GRIN2C: variants seen among roughly 807,000 people sequenced by gnomAD.
GRIN2C encodes the protein glutamate receptor ionotropic, NMDA 2C.
A neutral mutation model predicts 77.7 loss-of-function variants in GRIN2C; 64 were observed. The observed-to-expected ratio is 0.82, with a 90% CI of 0.67 to 1.01. The LOEUF is 1.01. Ranked by LOEUF, GRIN2C falls within the 50% of genes least tolerant of loss-of-function variation. The pLI, the probability that GRIN2C is intolerant of heterozygous loss-of-function variation, is 0.00. For missense variants in GRIN2C, 1,549 were observed against 1,486.0 expected (o/e 1.04, Z -0.70); for synonymous variants, 792 against 643.4 (o/e 1.23, Z -3.49).
rs2037355675 is a variant in GRIN2C at position 74,843,305 on chromosome 17, T to C, written c.2832A>G (p.Pro944=). 1 of 1,343,398 alleles carries C rather than the reference T, an allele frequency of 7.4e-7. No individual in the cohort carries two copies. The highest frequency in any genetic ancestry group is 1.0e-6 in the Non-Finnish European group (1 of 999,666). The allele number at this position is 1,343,398 out of a possible 1,614,324, so 83.2% of individuals were successfully genotyped here. Residue 944 remains proline (P), a synonymous_variant, in exon 13 of 13, where the codon CCA becomes CCG. Coordinates refer to ENST00000293190, the MANE Select transcript of GRIN2C (RefSeq NM_000835.6). The part of the protein sequence containing the change: ...PCPTPRSGPS[P]CLPTPDPPPE... ...GGGGCGGGTCGGGGGTGGGCAGGCATGGGCTGGGGCCAGACCGCGGGGTCG... is the reference window on the plus strand; with the variant it reads ...GGGGCGGGTCGGGGGTGGGCAGGCACGGGCTGGGGCCAGACCGCGGGGTCG...
At position 74,846,198 on chromosome 17, in the gene GRIN2C, C is replaced by A; in HGVS notation, c.2218G>T (p.Asp740Tyr). The A allele has an allele frequency of 6.2e-7, 1 of 1,614,220 alleles. No homozygotes were observed. The highest frequency in any genetic ancestry group is 1.3e-5 in the African/African-American group (1 of 75,066). Reference sequence around the variant, plus strand: ...ATGGTGACCAGCTTGCAGCCCTCGTCCTTGCCTGCCATGTAGTTGAGGACA... The same window carrying A: ...ATGGTGACCAGCTTGCAGCCCTCGTACTTGCCTGCCATGTAGTTGAGGACA... ...AAVLNYMAGK[D>Y]EGCKLVTIGS... Residue 740 changes from aspartate to tyrosine, a missense_variant, in exon 11 of 13, where the codon GAC becomes TAC. By Grantham distance (160) the Asp-to-Tyr change is radical. Transcript: ENST00000293190. The surrounding 1 kb of genome is among the most constrained non-coding windows in gnomAD (Gnocchi z 4.4).
rs71157101 is a variant in GRIN2C at position 74,859,883 on chromosome 17, T to TGCGGCG, written c.-156_-155insCGCCGC. 335 of 165,712 alleles carry TGCGGCG rather than the reference T, an allele frequency of 2.0e-3. 3 individuals are homozygous for TGCGGCG. The highest frequency in any genetic ancestry group is 3.1e-3 in the Non-Finnish European group (245 of 79,318). 10.3% of individuals were successfully genotyped at this position (165,712 alleles called of 1,614,324 possible). A position where few individuals can be genotyped will look rare whatever the true frequency, so the allele number is the denominator to read the frequency against. On this transcript the variant is annotated 5_prime_UTR_variant, in exon 1 of 13. Coordinates refer to ENST00000293190, the MANE Select transcript of GRIN2C (RefSeq NM_000835.6). This position sits in a 1 kb window ranked among gnomAD's most constrained non-coding sequence, Gnocchi z 5.9. ...ACCCGCGGCTCAAGGACACTCGCGA[T>TGCGGCG]GCGGCGGCGGCGGCGGCGGCGGCGG... is the stretch of plus-strand genomic sequence containing the variant.
Position 74,843,065 on chromosome 17 carries a change from G to A in GRIN2C, c.3072C>T (p.Pro1024=), listed in dbSNP as rs561172508. 69 of 459,730 alleles carry A rather than the reference G, an allele frequency of 1.5e-4. No individual in the cohort carries two copies. The highest frequency in any genetic ancestry group is 1.1e-3 in the Middle Eastern group (2 of 1,742). The allele number at this position is 459,730 out of a possible 1,614,324, so 28.5% of individuals were successfully genotyped here. Residue 1024 remains proline (P), a synonymous_variant, in exon 13 of 13, where the codon CCC becomes CCT. Coordinates refer to ENST00000293190, the MANE Select transcript of GRIN2C (RefSeq NM_000835.6). The part of the protein sequence containing the change: ...HLSASERPLS[P]ARCHYSSFPR... Reference sequence around the variant, plus strand: ...GAAAGGAGCTGTAGTGACAGCGCGCGGGCGACAGGGGCCGCTCGGAGGCCG... The same window carrying A: ...GAAAGGAGCTGTAGTGACAGCGCGCAGGCGACAGGGGCCGCTCGGAGGCCG...
chr17:74,852,437 T>C lies in GRIN2C; in HGVS notation c.574A>G (p.Ser192Gly), dbSNP rs1433475159. 6.5e-7 allele frequency: 1 copy of C among 1,534,946 alleles called. No individual in the cohort carries two copies. Among genetic ancestry groups the C allele is most frequent in the East Asian group, 2.6e-5 (1 of 38,626 alleles). The change falls in exon 3 of 13, where the codon AGT (serine) becomes GGT (glycine). Residue 192 changes from serine to glycine, a missense_variant. By Grantham distance (56) the Ser-to-Gly change is moderately conservative. This residue lies in a region of GRIN2C where 382 missense variants were observed against 360.0 expected (regional missense o/e 1.06). Coordinates refer to ENST00000293190, the MANE Select transcript of GRIN2C (RefSeq NM_000835.6). ...VRAVADASHV[S>G]WRLLDVVTLE... is the part of the protein sequence containing the mutation. ...GTGACCACGTCCAGCAGCCGCCAAC[T>C]CACGTGGCTGGCGTCGGCGACGGCG...
Position 74,850,764 on chromosome 17 carries a change from C to T in GRIN2C, c.1117G>A (p.Gly373Arg). 6.2e-7 allele frequency: 1 copy of T among 1,610,460 alleles called. No individual in the cohort carries two copies. The highest frequency in any genetic ancestry group is 1.1e-5 in the South Asian group (1 of 90,762). The change falls in exon 5 of 13, where the codon GGG (glycine) becomes AGG (arginine). Residue 373 changes from glycine (G) to arginine (R), a missense_variant. Coordinates refer to ENST00000293190, the MANE Select transcript of GRIN2C (RefSeq NM_000835.6). The surrounding 1 kb of genome is among the most constrained non-coding windows in gnomAD (Gnocchi z 5.3). Reference sequence around the variant, plus strand: ...TATAGGACGCCATGCTCCCAGCGCCCCACCTGTGGAGGGTGACAGCCTCAG... The same window carrying T: ...TATAGGACGCCATGCTCCCAGCGCCTCACCTGTGGAGGGTGACAGCCTCAG... ...LNRHRLWEMVGRWEHGVLYMK... is the reference protein window; with the variant it reads ...LNRHRLWEMVRRWEHGVLYMK...
rs371161361 is a variant in GRIN2C, at chr17:74,842,457, G to C, written c.3680C>G (p.Ser1227Cys). Reference protein sequence around the residue: ...FPGPCTWRRISSLESEV With the variant: ...FPGPCTWRRICSLESEV ...AACTCACACTTCTGACTCCAGACTGGAGATCCGTCTCCAGGTGCAGGGTCC... is the reference window on the plus strand; with the variant it reads ...AACTCACACTTCTGACTCCAGACTGCAGATCCGTCTCCAGGTGCAGGGTCC... Residue 1227 changes from serine (S) to cysteine (C), a missense_variant, in exon 13 of 13, where the codon TCC becomes TGC. Physicochemically the swap from Ser to Cys is moderately radical, Grantham distance 112 (BLOSUM62 -1). Transcript: ENST00000293190. 3.9e-6 allele frequency: 3 copies of C among 775,504 alleles called. No homozygotes were observed. Among genetic ancestry groups the C allele is most frequent in the Non-Finnish European group, 7.2e-6 (3 of 416,516 alleles). The allele number at this position is 775,504 out of a possible 1,614,324, so 48.0% of individuals were successfully genotyped here. A position where few individuals can be genotyped will look rare whatever the true frequency, so the allele number is the denominator to read the frequency against.
At chr17:74,852,954 T>G (rs1406985761) in intron 2 of GRIN2C, 1 of 248,612 alleles carries the variant, frequency 4.0e-6, no homozygotes, top group African/African-American at 2.2e-5. Context: ...TCACAAGCTC[T>G]TCAGCCGATC....
At position 74,842,282 on chromosome 17, in the gene GRIN2C, T is replaced by A; in HGVS notation, c.*153A>T. ...TCACCATGATTTGAGGCTACTGAGG[T>A]CACTGATGACCATGGAAGACATCAT... On this transcript the variant is annotated 3_prime_UTR_variant, in exon 13 of 13. Transcript: ENST00000293190. 1 of 585,888 alleles carries A rather than the reference T, an allele frequency of 1.7e-6. No homozygotes were observed. Among genetic ancestry groups the A allele is most frequent in the Non-Finnish European group, 3.0e-6 (1 of 328,302 alleles). The allele number at this position is 585,888 out of a possible 1,614,324, so 36.3% of individuals were successfully genotyped here. A position where few individuals can be genotyped will look rare whatever the true frequency, so the allele number is the denominator to read the frequency against.
chr17:74,847,789 C>T lies in GRIN2C; in HGVS notation c.1771+63G>A. The T allele has an allele frequency of 6.3e-7, 1 of 1,584,946 alleles. No homozygotes were observed. The highest frequency in any genetic ancestry group is 1.7e-5 in the Admixed American group (1 of 59,104). The stretch of plus-strand genomic sequence containing the variant: ...AGGTATTCTCTGAAGGACCCGTTGC[C>T]CCTGAGCCCAGCCCTCAGGGTGCCC... On this transcript the variant is annotated intron_variant, in intron 8 of 12. Coordinates refer to ENST00000293190, the MANE Select transcript of GRIN2C (RefSeq NM_000835.6). This position sits in a 1 kb window ranked among gnomAD's most constrained non-coding sequence, Gnocchi z 5.2.
Position 74,842,991 on chromosome 17 carries a change from A to AGCTACGGGG in GRIN2C, c.3145_3146insCCCCGTAGC (p.Glu1048_Leu1049insProProTer), listed in dbSNP as rs1555613334. ...CGGACCGAGCAGCGGCAGGTCCTCC[A>AGCTACGGGG]GCTCCGGGAAGAGCGGGAGGAAGGG... is the stretch of plus-strand genomic sequence containing the variant. On this transcript the variant is annotated stop_gained, in exon 13 of 13. Coordinates refer to ENST00000293190, the MANE Select transcript of GRIN2C (RefSeq NM_000835.6). LOFTEE classifies it low-confidence loss of function (END_TRUNC). 2.0e-6 allele frequency: 1 copy of AGCTACGGGG among 510,944 alleles called. No homozygotes were observed. The highest frequency in any genetic ancestry group is 3.5e-6 in the Non-Finnish European group (1 of 289,662). The allele number at this position is 510,944 out of a possible 1,614,324, so 31.7% of individuals were successfully genotyped here. A position where few individuals can be genotyped will look rare whatever the true frequency, so the allele number is the denominator to read the frequency against.
In GRIN2C at chr17:74,850,202, C is replaced by T. The variant is rs1392274985; in HGVS notation, c.1491+4G>A. On this transcript the variant is annotated splice_donor_region_variant and intron_variant, in intron 6 of 12. Transcript: ENST00000293190. The surrounding 1 kb of genome is among the most constrained non-coding windows in gnomAD (Gnocchi z 5.3). The stretch of plus-strand genomic sequence containing the variant: ...AGGTGAGGAGGGAGTGGGGTGGGGC[C>T]TACCTCCCCAATCATGCCGTTCCAT... 1.2e-6 allele frequency: 2 copies of T among 1,612,776 alleles called. No individual in the cohort carries two copies. Among genetic ancestry groups the T allele is most frequent in the South Asian group, 1.1e-5 (1 of 91,070 alleles).
chr17:74,856,679 C>T (rs1238879447), intron 1 of GRIN2C, among the ~76,000 whole-genome samples: 1 of 151,986 alleles, frequency 6.6e-6, no homozygotes, highest in Non-Finnish European at 1.5e-5. Flanking sequence ...TAGGGTTTCA[C>T]CGTGTTAGCC....
chr17:74,850,267 A>T lies in GRIN2C; in HGVS notation c.1430T>A (p.Leu477Gln), dbSNP rs771727270. 3.9e-5 allele frequency: 63 copies of T among 1,613,850 alleles called. No individual in the cohort carries two copies. The South Asian group carries it at 6.9e-4, about 18-fold the overall frequency. ...RVVKFSYDLY[L>Q]VTNGKHGKRV... ...CTTGCCATGCTTGCCGTTGGTCACC[A>T]GGTACAGGTCGTAGGAGAATTTGAC... Residue 477 changes from leucine to glutamine, a missense_variant, in exon 6 of 13, where the codon CTG (leucine) becomes CAG (glutamine). Leu to Gln is a moderately radical substitution (Grantham distance 113, BLOSUM62 -2). Coordinates refer to ENST00000293190, the MANE Select transcript of GRIN2C (RefSeq NM_000835.6). This position sits in a 1 kb window ranked among gnomAD's most constrained non-coding sequence, Gnocchi z 5.3.
chr17:74,845,180 T>C (rs150392616), intron 11 of GRIN2C, among the ~76,000 whole-genome samples: 1 of 152,036 alleles, frequency 6.6e-6, no homozygotes. Flanking sequence ...TCCTCACACC[T>C]TGGCCTCCCA....
intron 2 of GRIN2C, chr17:74,853,798 T>A (rs1301143255): frequency 2.0e-5 from 3 of 152,246 alleles, no homozygotes; most frequent in Non-Finnish European, 4.4e-5. Context: ...GTCTCTTCCC[T>A]CAACTCTCCT....
intron 12 of GRIN2C, 51 bp from the exon 13 acceptor site, chr17:74,843,604 C>A: frequency 3.9e-6 from 6 of 1,523,558 alleles, no homozygotes; most frequent in Non-Finnish European, 5.3e-6. Flanking sequence ...CGCTCAGGGA[C>A]CCGCCACGAT....
chr17:74,847,030 G>T lies in GRIN2C; in HGVS notation c.2002-110C>A. ...CCCAGTGTGGACTTGCATAGTCAGA[G>T]CAGAAGGTCTTAAAGGCTGTCCAGG... is the stretch of plus-strand genomic sequence containing the variant. On this transcript the variant is annotated intron_variant, in intron 9 of 12. Transcript: ENST00000293190. The surrounding 1 kb of genome is among the most constrained non-coding windows in gnomAD (Gnocchi z 5.2). 2 of 1,203,732 alleles carry T rather than the reference G, an allele frequency of 1.7e-6. No homozygotes were observed. The highest frequency in any genetic ancestry group is 2.4e-5 in the East Asian group (1 of 41,800). The allele number at this position is 1,203,732 out of a possible 1,614,324, so 74.6% of individuals were successfully genotyped here.
chr17:74,849,932 A>G lies in GRIN2C; in HGVS notation c.1493T>C (p.Val498Ala). The G allele has an allele frequency of 6.2e-7, 1 of 1,611,712 alleles. No individual in the cohort carries two copies. Among genetic ancestry groups the G allele is most frequent in the Non-Finnish European group, 8.5e-7 (1 of 1,179,276 alleles). ...RGVWNGMIGE[V>A]YYKRADMAIG... ...GGCCATGTCTGCCCGCTTGTAGTAC[A>G]CCTGGGGGCCGGACGCCACGGAGGT... Residue 498 changes from valine (V) to alanine (A), a missense_variant and splice_region_variant, in exon 7 of 13, where the codon GTG becomes GCG. Transcript: ENST00000293190. This position sits in a 1 kb window ranked among gnomAD's most constrained non-coding sequence, Gnocchi z 4.6.
Position 74,851,698 on chromosome 17 carries a change from G to A in GRIN2C, c.999-7C>T, listed in dbSNP as rs761594531. 1.7e-5 allele frequency: 26 copies of A among 1,517,610 alleles called. No homozygotes were observed. Among genetic ancestry groups the A allele is most frequent in the Non-Finnish European group, 2.2e-5 (25 of 1,114,924 alleles). 94.0% of individuals were successfully genotyped at this position (1,517,610 alleles called of 1,614,324 possible). ...GGTGACATTCAGTAGGTGCCTGCCA[G>A]AGGGGAGAGATGCCTGCAGCCCTGC... On this transcript the variant is annotated splice_region_variant and splice_polypyrimidine_tract_variant and intron_variant, in intron 3 of 12. Transcript: ENST00000293190.
Sources: allele counts gnomAD v4.1 joint callset (sites outside exome capture counted in the v4.1 genomes callset), GRCh38; gene constraint gnomAD v4.1.1; regional missense constraint gnomAD v4.1.1; non-coding constraint Gnocchi (gnomAD v3.1); transcripts MANE v1.5; gene names NCBI Gene and HGNC (gene_info 2026-07-23, HGNC 2026-07-21).